Variants in ARHGAP25 observed in about 807,000 individuals in gnomAD.
The protein encoded by ARHGAP25 is Rho GTPase activating protein 25.
Under a neutral mutation model 71.0 loss-of-function variants are expected in ARHGAP25, and 34 were observed. That is an observed-to-expected ratio of 0.48 (90% CI 0.36 to 0.64). ARHGAP25 has a LOEUF of 0.64. ARHGAP25 is among the 30% of genes least tolerant of loss of function. The pLI, the probability that ARHGAP25 is intolerant of heterozygous loss-of-function variation, is 0.00. For missense variants in ARHGAP25, 706 were observed against 805.1 expected, an observed-to-expected ratio of 0.88 and a Z score of 1.49; for synonymous variants, 282 against 296.5, an observed-to-expected ratio of 0.95 and a Z score of 0.50.
chr2:68,800,664 G>C (rs1364827776), intron 4 of ARHGAP25, among the ~76,000 whole-genome samples: 1 of 152,112 alleles, frequency 6.6e-6, no homozygotes, highest in Non-Finnish European at 1.5e-5. Context: ...ACTGAATATA[G>C]AATCACAGGG....
chr2:68,740,320 C>CT (rs1675454615), intron 1 of ARHGAP25, among the ~76,000 whole-genome samples: 1 of 152,306 alleles, frequency 6.6e-6, no homozygotes. Context: ...ATTGTATCTA[C>CT]TTTTTTGGAG....
chr2:68,723,463 G>A (rs141705494), intron 2 of ARHGAP25, among the ~76,000 whole-genome samples: 48 of 152,244 alleles, frequency 3.2e-4, no homozygotes, highest in African/African-American at 1.1e-3. Context: ...AGTCCTTGGT[G>A]GCTGTTTCAT....
intron 4 of ARHGAP25, among the ~76,000 whole-genome samples, chr2:68,802,700 GAGGAGA>G (rs1680075804): frequency 1.4e-5 from 1 of 70,516 alleles, no homozygotes; most frequent in African/African-American, 4.3e-5. Flanking sequence ...TATGGGAATA[GAGGAGA>G]AAGAGAGAGA....
chr2:68,805,590 C>T (rs1339141167), intron 4 of ARHGAP25, among the ~76,000 whole-genome samples: 4 of 151,998 alleles, frequency 2.6e-5, no homozygotes, highest in Admixed American at 2.6e-4. Context: ...CAGAATGATG[C>T]TTTAGAAAGG....
intron 1 of ARHGAP25, among the ~76,000 whole-genome samples, chr2:68,759,340 A>C (rs60956047): frequency 0.038 from 5,696 of 151,730 alleles, 383 homozygotes; most frequent in African/African-American, 0.13. Context: ...CTTTTGGTAG[A>C]TGGATAATGA....
In ARHGAP25 at chr2:68,729,771, C is replaced by A. The variant is rs561252176; in HGVS notation, c.-18+19073C>A. 1.8e-4 allele frequency among the ~76,000 whole-genome samples: 28 copies of A among 152,242 alleles called. 1 individual carries two copies. Among genetic ancestry groups the A allele is most frequent in the Admixed American group, 1.6e-3 (25 of 15,294 alleles). On this transcript the variant is annotated intron_variant and NMD_transcript_variant, in intron 2 of 7. Transcript: ENST00000463483. ...ATGAGCTTTATTGATACATAATTCA[C>A]ATACCATGCAATTCACCCATCAAAG...
At chr2:68,712,882 A>C (rs1320150835) in intron 2 of ARHGAP25, among the ~76,000 whole-genome samples, 1 of 152,154 alleles carries the variant, frequency 6.6e-6, no homozygotes, top group Non-Finnish European at 1.5e-5. Context: ...CTGTTTTGGT[A>C]CCAGTACCAT....
chr2:68,796,071 T>C (rs1372722017), intron 4 of ARHGAP25, among the ~76,000 whole-genome samples: 4 of 152,246 alleles, frequency 2.6e-5, no homozygotes, highest in African/African-American at 9.6e-5. Context: ...TCAAAATACT[T>C]GTATTCAGGT....
intron 6 of ARHGAP25, among the ~76,000 whole-genome samples, chr2:68,814,982 G>T (rs1269759164): frequency 2.0e-5 from 3 of 152,142 alleles, no homozygotes; most frequent in Non-Finnish European, 2.9e-5. Context: ...TATGGAATAA[G>T]GTTTAAAAGG....
intron 2 of ARHGAP25, among the ~76,000 whole-genome samples, chr2:68,718,310 T>C (rs1298888517): frequency 1.3e-5 from 2 of 152,168 alleles, no homozygotes; most frequent in Non-Finnish European, 2.9e-5. Flanking sequence ...CTTTCCCAGC[T>C]TCTAGAGGCT....
chr2:68,765,633 A>G (rs1409253203), intron 1 of ARHGAP25, among the ~76,000 whole-genome samples: 1 of 152,206 alleles, frequency 6.6e-6, no homozygotes, highest in Non-Finnish European at 1.5e-5. Flanking sequence ...AAAAATATGG[A>G]AATTTTATTT....
At chr2:68,783,850 CT>C (rs1224870224) in intron 3 of ARHGAP25, among the ~76,000 whole-genome samples, 4 of 152,164 alleles carry the variant, frequency 2.6e-5, no homozygotes, top group African/African-American at 7.2e-5. Flanking sequence ...TCTCTCCTCA[CT>C]AGAAATATCT....
In ARHGAP25 at chr2:68,792,667, G is replaced by A. The variant is rs183776550; in HGVS notation, c.466+4711G>A. Among the ~76,000 whole-genome samples, 344 of 152,220 alleles carry A rather than the reference G, an allele frequency of 2.3e-3. 2 individuals are homozygous for A. The highest frequency in any genetic ancestry group is 7.6e-3 in the African/African-American group (315 of 41,524). Reference sequence around the variant, plus strand: ...TATTTATACCATATTTTCTTCATCCGATCATCTGTTGATGGACAGTTAGGT... The same window carrying A: ...TATTTATACCATATTTTCTTCATCCAATCATCTGTTGATGGACAGTTAGGT... On this transcript the variant is annotated intron_variant, in intron 4 of 10. Coordinates refer to ENST00000409202, the MANE Select transcript of ARHGAP25 (RefSeq NM_001007231.3).
At chr2:68,788,747 C>T (rs539808886) in intron 4 of ARHGAP25, among the ~76,000 whole-genome samples, 1 of 152,306 alleles carries the variant, frequency 6.6e-6, no homozygotes, top group East Asian at 1.9e-4. Context: ...AGCACGCCTA[C>T]TTGTGTCAAC....
chr2:68,723,373 C>T (rs1106239), intron 2 of ARHGAP25, among the ~76,000 whole-genome samples: 1 of 152,194 alleles, frequency 6.6e-6, no homozygotes, highest in Admixed American at 6.5e-5. Flanking sequence ...TGGGATGCAG[C>T]CCAGCTCACT....
At position 68,816,370 on chromosome 2, in the gene ARHGAP25, G is replaced by A. The variant is rs757504661; in HGVS notation, c.881+8G>A. ...CCTGAGCTACATCTGCAGGTGAGAG[G>A]CCCCTGGTATCAACTCTGCAGTTTT... On this transcript the variant is annotated splice_region_variant and intron_variant, in intron 7 of 10. Coordinates refer to ENST00000409202, the MANE Select transcript of ARHGAP25 (RefSeq NM_001007231.3). 1 of 1,607,096 alleles carries A rather than the reference G, an allele frequency of 6.2e-7. No individual in the cohort carries two copies. Among genetic ancestry groups the A allele is most frequent in the Non-Finnish European group, 8.5e-7 (1 of 1,173,914 alleles).
At chr2:68,743,554 C>T (rs970451684) in intron 1 of ARHGAP25, among the ~76,000 whole-genome samples, 2 of 152,140 alleles carry the variant, frequency 1.3e-5, no homozygotes, top group African/African-American at 4.8e-5. Context: ...CATTTGATTC[C>T]ATGCACCTGG....
At chr2:68,806,835 G>A (rs1223187750) in intron 4 of ARHGAP25, among the ~76,000 whole-genome samples, 2 of 152,174 alleles carry the variant, frequency 1.3e-5, no homozygotes, top group East Asian at 3.8e-4. Flanking sequence ...CGTGGTTAAG[G>A]CATATTGTTG....
intron 4 of ARHGAP25, among the ~76,000 whole-genome samples, chr2:68,806,694 C>T (rs7578388): frequency 0.88 from 134,641 of 152,276 alleles, 59,578 homozygotes; most frequent in Admixed American, 0.91. Flanking sequence ...AACTTATGAA[C>T]TGTTTGTTTC....
Sources: gnomAD v4.1 joint callset for allele counts (sites outside exome capture counted in the v4.1 genomes callset) on GRCh38, gnomAD v4.1.1 for gene constraint, MANE v1.5 for transcripts, NCBI Gene and HGNC (gene_info 2026-07-23, HGNC 2026-07-21) for gene names.